Variants in ZER1 observed in about 807,000 individuals in gnomAD.
ZER1 encodes the protein zyg-11 related cell cycle regulator.
Under a neutral mutation model 78.8 loss-of-function variants are expected in ZER1, and 11 were observed. The ratio of observed to expected loss-of-function variants is 0.14; its 90% CI spans 0.09 to 0.23. The LOEUF is 0.23. Ranked by LOEUF, ZER1 falls within the 10% of genes least tolerant of loss-of-function variation. ZER1 has a pLI of 1.00. For synonymous variants in ZER1, 400 were observed against 407.0 expected, an observed-to-expected ratio of 0.98 and a Z score of 0.21; for missense variants, 588 against 996.9, an observed-to-expected ratio of 0.59 and a Z score of 5.52.
At chr9:128,758,183 G>A (rs1863924336) in intron 1 of ZER1, among the ~76,000 whole-genome samples, 2 of 147,358 alleles carry the variant, frequency 1.4e-5, no homozygotes, top group Non-Finnish European at 1.5e-5. Context: ...GCAGTGGCAT[G>A]ATCTTGGCTC....
At position 128,729,866 on chromosome 9, in the gene ZER1, GAGGTGTGAAGTCTGCC is replaced by G; in HGVS notation, c.*1455_*1470del. The G allele has an allele frequency of 6.6e-6, 1 of 152,464 alleles. No individual in the cohort carries two copies. The highest frequency in any genetic ancestry group is 1.9e-4 in the East Asian group (1 of 5,140). The allele number at this position is 152,464 out of a possible 1,614,324, so 9.4% of individuals were successfully genotyped here. A position where few individuals can be genotyped will look rare whatever the true frequency, so the allele number is the denominator to read the frequency against. On this transcript the variant is annotated 3_prime_UTR_variant, in exon 16 of 16. Coordinates refer to ENST00000291900, the MANE Select transcript of ZER1 (RefSeq NM_006336.4). Reference sequence around the variant, plus strand: ...CCCAGGCCCCAGGGGGTAAAGCAATGAGGTGTGAAGTCTGCCAGGGTCTGGCCGGGGCCGCTGAGCG... The same window carrying G: ...CCCAGGCCCCAGGGGGTAAAGCAATGAGGGTCTGGCCGGGGCCGCTGAGCG...
intron 8 of ZER1, among the ~76,000 whole-genome samples, chr9:128,747,444 T>C (rs1299358729): frequency 6.6e-6 from 1 of 152,156 alleles, no homozygotes; most frequent in Non-Finnish European, 1.5e-5. Context: ...GGCCTCTCCC[T>C]GGATGAGGAC....
At chr9:128,742,470 A>C in intron 9 of ZER1, 60 bp downstream of exon 9, 1 of 1,579,090 alleles carries the variant, frequency 6.3e-7, no homozygotes, top group Non-Finnish European at 8.7e-7. Context: ...CGCTCAGGGT[A>C]GAGGGGTGGG....
At position 128,753,799 on chromosome 9, in the gene ZER1, C is replaced by G. The variant is rs879091505; in HGVS notation, c.309+10G>C. 1 of 1,554,028 alleles carries G rather than the reference C, an allele frequency of 6.4e-7. No individual in the cohort carries two copies. The highest frequency in any genetic ancestry group is 1.3e-5 in the South Asian group (1 of 79,876). On this transcript the variant is annotated intron_variant, in intron 3 of 15. Coordinates refer to ENST00000291900, the MANE Select transcript of ZER1 (RefSeq NM_006336.4). The surrounding 1 kb of genome is among the most constrained non-coding windows in gnomAD (Gnocchi z 7.5). ...GGGCCCTCCTGGCGCTGTGGCGGGG[C>G]AGGTCTCACCTGCTTGCGGATGGCC... is the stretch of plus-strand genomic sequence containing the variant.
At chr9:128,765,905 GGGAGTGTGCC>G (rs2132488560) in intron 1 of ZER1, among the ~76,000 whole-genome samples, 2 of 152,310 alleles carry the variant, frequency 1.3e-5, no homozygotes, top group Non-Finnish European at 2.9e-5. Flanking sequence ...ACAATAATTG[GGGAGTGTGCC>G]TCACAGCTAG....
chr9:128,761,054 A>G (rs1013995388), intron 1 of ZER1, among the ~76,000 whole-genome samples: 7 of 146,460 alleles, frequency 4.8e-5, no homozygotes, highest in Admixed American at 1.4e-4. Context: ...GCTACTCGGG[A>G]GGCTGAGGTA....
chr9:128,768,088 A>G (rs539951656), intron 1 of ZER1, among the ~76,000 whole-genome samples: 29 of 152,284 alleles, frequency 1.9e-4, no homozygotes, highest in Non-Finnish European at 4.0e-4. Flanking sequence ...AATTATGAAG[A>G]GTGATGTTCC....
upstream of ZER1, among the ~76,000 whole-genome samples, chr9:128,772,172 C>T (rs974038799): frequency 3.3e-5 from 5 of 152,376 alleles, no homozygotes; most frequent in South Asian, 2.1e-4. Flanking sequence ...ACCCTAGGAT[C>T]GGTGCCCGCC....
At chr9:128,750,396 C>T (rs1020731836) in intron 8 of ZER1, among the ~76,000 whole-genome samples, 3 of 152,178 alleles carry the variant, frequency 2.0e-5, no homozygotes, top group African/African-American at 7.2e-5. Context: ...GGCAGGGTCC[C>T]TGGGCCCCCA....
chr9:128,740,031 C>T lies in ZER1; in HGVS notation c.1942G>A (p.Ala648Thr), dbSNP rs1233890694. The change falls in exon 13 of 16, where the codon GCC becomes ACC. Residue 648 changes from alanine to threonine, a missense_variant. Coordinates refer to ENST00000291900, the MANE Select transcript of ZER1 (RefSeq NM_006336.4). This position sits in a 1 kb window ranked among gnomAD's most constrained non-coding sequence, Gnocchi z 4.4. ...LSHIMFDGPE[A>T]WGVCEPQREE... ...CGCTGGGGCTCACAGACGCCCCAGG[C>T]CTCGGGTCCATCAAACATGATGTGG... The T allele has an allele frequency of 1.2e-6, 2 of 1,613,952 alleles. No homozygotes were observed. The highest frequency in any genetic ancestry group is 8.5e-7 in the Non-Finnish European group (1 of 1,179,972).
chr9:128,738,334 G>A (rs182328047), intron 13 of ZER1, among the ~76,000 whole-genome samples: 3,625 of 142,948 alleles, frequency 0.025, 134 homozygotes, highest in African/African-American at 0.088. Flanking sequence ...GTGAGCCACT[G>A]TGCCCGGCCC....
intron 1 of ZER1, among the ~76,000 whole-genome samples, chr9:128,768,430 T>G (rs1864282274): frequency 6.6e-6 from 1 of 152,126 alleles, no homozygotes. Context: ...TTAGAGTTAG[T>G]CGGAGGCAAG....
chr9:128,745,049 C>G (rs1323755357), intron 8 of ZER1, among the ~76,000 whole-genome samples: 1 of 152,138 alleles, frequency 6.6e-6, no homozygotes, highest in Non-Finnish European at 1.5e-5. Context: ...ATGTACATGT[C>G]TTCAACCTTT....
intron 13 of ZER1, among the ~76,000 whole-genome samples, chr9:128,738,632 G>A (rs966361850): frequency 1.3e-5 from 2 of 151,868 alleles, no homozygotes; most frequent in Non-Finnish European, 2.9e-5. Context: ...TGATCCGCCC[G>A]CCTCTGCCTC....
At chr9:128,739,201 G>A (rs1402526211) in intron 13 of ZER1, among the ~76,000 whole-genome samples, 1 of 151,944 alleles carries the variant, frequency 6.6e-6, no homozygotes, top group Non-Finnish European at 1.5e-5. Context: ...TGCCCAAGCT[G>A]GTCTTGAAAT....
At chr9:128,741,438 G>A in intron 11 of ZER1, 97 bp downstream of exon 11, 2 of 1,558,166 alleles carry the variant, frequency 1.3e-6, no homozygotes, top group Non-Finnish European at 1.8e-6. Flanking sequence ...AAGCATGGGT[G>A]AGGGGTGCTG....
At chr9:128,767,148 G>T (rs1273222172) in intron 1 of ZER1, among the ~76,000 whole-genome samples, 1 of 151,880 alleles carries the variant, frequency 6.6e-6, no homozygotes, top group Non-Finnish European at 1.5e-5. Flanking sequence ...TTGCCATGTT[G>T]GCCAGGCTGG....
In ZER1 at chr9:128,753,169, C is replaced by G. The variant is rs1863738882; in HGVS notation, c.741G>C (p.Lys247Asn). Residue 247 changes from lysine (K) to asparagine (N), a missense_variant, in exon 4 of 16, where the codon AAG becomes AAC. Physicochemically the swap from Lys to Asn is moderately conservative, Grantham distance 94. This residue lies in a region of ZER1 where 406 missense variants were observed against 660.1 expected (regional missense o/e 0.62). Coordinates refer to ENST00000291900, the MANE Select transcript of ZER1 (RefSeq NM_006336.4). This position sits in a 1 kb window ranked among gnomAD's most constrained non-coding sequence, Gnocchi z 7.5. ...DHIRVIVQLH[K>N]LRHLDISRDR... is the part of the protein sequence containing the mutation. ...GCTCTGGGCCAGGAGCTCACCGCAG[C>G]TTGTGCAGCTGCACGATGACCCGGA... 1 of 1,540,498 alleles carries G rather than the reference C, an allele frequency of 6.5e-7. No homozygotes were observed. Among genetic ancestry groups the G allele is most frequent in the Admixed American group, 2.0e-5 (1 of 50,866 alleles).
intron 1 of ZER1, among the ~76,000 whole-genome samples, chr9:128,766,632 G>A (rs1437924256): frequency 6.6e-6 from 1 of 151,798 alleles, no homozygotes; most frequent in Non-Finnish European, 1.5e-5. Flanking sequence ...GATCACCTGA[G>A]GTCAGGAGTT....
Sources: gnomAD v4.1 joint callset for allele counts (sites outside exome capture counted in the v4.1 genomes callset) on GRCh38, gnomAD v4.1.1 for gene constraint, gnomAD v4.1.1 regional missense constraint, Gnocchi (gnomAD v3.1) non-coding constraint, MANE v1.5 for transcripts, NCBI Gene and HGNC (gene_info 2026-07-23, HGNC 2026-07-21) for gene names.